SKI: variants seen among roughly 807,000 people sequenced by gnomAD.
SKI encodes SKI proto-oncogene.
Under a neutral mutation model 59.3 loss-of-function variants are expected in SKI, and 23 were observed. The observed-to-expected ratio is 0.39, with a 90% CI of 0.28 to 0.55. The LOEUF (loss-of-function observed/expected upper bound fraction) is 0.55, where lower values mean the gene tolerates loss of function less well. SKI is among the 20% of genes least tolerant of loss of function. The probability of loss-of-function intolerance (pLI) is 0.67; values close to 1 mark genes in which losing one functional copy is unlikely to be tolerated. For synonymous variants in SKI, 673 were observed against 488.6 expected (o/e 1.38, Z -4.98); for missense variants, 1,017 against 1,038.9 (o/e 0.98, Z 0.29).
intron 1 of SKI, among the ~76,000 whole-genome samples, chr1:2,259,641 T>C (rs1040778536): frequency 6.6e-6 from 1 of 152,212 alleles, no homozygotes; most frequent in Non-Finnish European, 1.5e-5. Context: ...AAAACATGTA[T>C]AAAACCCTCG....
intron 1 of SKI, among the ~76,000 whole-genome samples, chr1:2,298,964 G>T (rs747810552): frequency 4.6e-5 from 7 of 152,218 alleles, no homozygotes; most frequent in Non-Finnish European, 7.3e-5. Context: ...GTTGGGTGGA[G>T]CCTTGCCTGC....
chr1:2,298,211 G>C (rs151051416), intron 1 of SKI, among the ~76,000 whole-genome samples: 152 of 152,334 alleles, frequency 1.0e-3, no homozygotes, highest in African/African-American at 3.4e-3. Context: ...GCGCCCTCGT[G>C]GGGGCTTGAG....
chr1:2,274,764 T>C (rs1019304544), intron 1 of SKI, among the ~76,000 whole-genome samples: 12 of 152,164 alleles, frequency 7.9e-5, no homozygotes, highest in African/African-American at 2.9e-4. Context: ...ATAGCAGCCG[T>C]GATGGGGGGC....
chr1:2,265,213 G>A (rs1569761361), intron 1 of SKI, among the ~76,000 whole-genome samples: 1 of 152,308 alleles, frequency 6.6e-6, no homozygotes, highest in South Asian at 2.1e-4. Context: ...TGTAGTTTTT[G>A]TCAGGTTTGG....
intron 1 of SKI, among the ~76,000 whole-genome samples, chr1:2,235,908 C>T (rs1392109463): frequency 2.6e-5 from 4 of 152,198 alleles, no homozygotes; most frequent in Non-Finnish European, 4.4e-5. Flanking sequence ...GTGCTTATTC[C>T]TTTGAGTAAT....
chr1:2,242,166 G>A (rs910116345), intron 1 of SKI, among the ~76,000 whole-genome samples: 1 of 152,236 alleles, frequency 6.6e-6, no homozygotes, highest in Non-Finnish European at 1.5e-5. Flanking sequence ...GCGTCCCTTG[G>A]TGTGGCCCCC....
Position 2,270,750 on chromosome 1 carries a change from C to T in SKI, c.970-32228C>T, listed in dbSNP as rs900685815. Among the ~76,000 whole-genome samples, 1 of 152,188 alleles carries T rather than the reference C, an allele frequency of 6.6e-6. No homozygotes were observed. The highest frequency in any genetic ancestry group is 2.4e-5 in the African/African-American group (1 of 41,450). On this transcript the variant is annotated intron_variant, in intron 1 of 6. Transcript: ENST00000378536. This position sits in a 1 kb window ranked among gnomAD's most constrained non-coding sequence, Gnocchi z 4.1. ...CCCCTCCCGCTTCCCTTCCTCTGGG[C>T]CCCTGGACTCTGGGGGCGAGGGCAG...
At chr1:2,298,004 CCAGAGTG>C (rs1640328504) in intron 1 of SKI, among the ~76,000 whole-genome samples, 1 of 152,176 alleles carries the variant, frequency 6.6e-6, no homozygotes, top group African/African-American at 2.4e-5. Context: ...TCCCCCCGCA[CCAGAGTG>C]CAGTTTTGAC....
Position 2,269,026 on chromosome 1 carries a change from C to T in SKI, c.970-33952C>T, listed in dbSNP as rs978432380. Among the ~76,000 whole-genome samples, 48 of 152,150 alleles carry T rather than the reference C, an allele frequency of 3.2e-4. No homozygotes were observed. Among genetic ancestry groups the T allele is most frequent in the African/African-American group, 1.0e-3 (43 of 41,428 alleles). On this transcript the variant is annotated intron_variant, in intron 1 of 6. Transcript: ENST00000378536. The surrounding 1 kb of genome is among the most constrained non-coding windows in gnomAD (Gnocchi z 4.7). Reference sequence around the variant, plus strand: ...GAGTGCAGCAGCACAGTCTTGCGGCCTCAACCTTGTTGGTTCAAGTGATCC... The same window carrying T: ...GAGTGCAGCAGCACAGTCTTGCGGCTTCAACCTTGTTGGTTCAAGTGATCC...
intron 1 of SKI, among the ~76,000 whole-genome samples, chr1:2,238,470 C>G (rs1638798131): frequency 6.6e-6 from 1 of 152,224 alleles, no homozygotes; most frequent in South Asian, 2.1e-4. Context: ...GCCTCCATGG[C>G]CCTGACAGGC....
At chr1:2,265,408 C>T (rs751592607) in intron 1 of SKI, among the ~76,000 whole-genome samples, 56 of 152,278 alleles carry the variant, frequency 3.7e-4, no homozygotes, top group Non-Finnish European at 7.4e-4. Context: ...GTCTCCTCCA[C>T]GGTTAATCCC....
chr1:2,268,346 C>T lies in SKI; in HGVS notation c.970-34632C>T, dbSNP rs898843403. On this transcript the variant is annotated intron_variant, in intron 1 of 6. Transcript: ENST00000378536. The surrounding 1 kb of genome is among the most constrained non-coding windows in gnomAD (Gnocchi z 5.0). ...GTTTGGGTGGGCTGAACCCTGCACC[C>T]TGGCCCGGGTGTGGGGTCCTGGTGC... Among the ~76,000 whole-genome samples the T allele has an allele frequency of 1.3e-5, 2 of 152,204 alleles. No homozygotes were observed. The highest frequency in any genetic ancestry group is 1.3e-4 in the Admixed American group (2 of 15,292).
At chr1:2,264,912 G>A (rs1444200398) in intron 1 of SKI, among the ~76,000 whole-genome samples, 1 of 151,904 alleles carries the variant, frequency 6.6e-6, no homozygotes, top group Non-Finnish European at 1.5e-5. Context: ...CCGGGTTCAA[G>A]TGATTCTCAT....
rs1172045802 is a variant in SKI, at chr1:2,309,209, GTTTC to G, written c.*2448_*2451del. 1.3e-5 allele frequency: 2 copies of G among 152,230 alleles called. No individual in the cohort carries two copies. Among genetic ancestry groups the G allele is most frequent in the Admixed American group, 6.5e-5 (1 of 15,280 alleles). The allele number at this position is 152,230 out of a possible 1,614,324, so 9.4% of individuals were successfully genotyped here. A position where few individuals can be genotyped will look rare whatever the true frequency, so the allele number is the denominator to read the frequency against. On this transcript the variant is annotated 3_prime_UTR_variant, in exon 7 of 7. Coordinates refer to ENST00000378536, the MANE Select transcript of SKI (RefSeq NM_003036.4). ...CTCCCCTTGGCACAGGTGCGAGTCCGTTTCTTTTCAGCAGAAGGGGGAAGAGGTG... is the reference window on the plus strand; with the variant it reads ...CTCCCCTTGGCACAGGTGCGAGTCCGTTTTCAGCAGAAGGGGGAAGAGGTG...
intron 1 of SKI, among the ~76,000 whole-genome samples, chr1:2,286,059 A>G (rs941684354): frequency 6.6e-6 from 1 of 151,426 alleles, no homozygotes; most frequent in Admixed American, 6.6e-5. Flanking sequence ...TTTTTAGTAG[A>G]GATGGGGTTT....
intron 1 of SKI, among the ~76,000 whole-genome samples, chr1:2,279,409 T>G (rs1203354919): frequency 1.3e-5 from 2 of 152,192 alleles, no homozygotes; most frequent in Non-Finnish European, 2.9e-5. Flanking sequence ...TCTCCAAGTC[T>G]TGTGTGTGTG....
intron 1 of SKI, among the ~76,000 whole-genome samples, chr1:2,279,714 CTTATT>C (rs1453087754): frequency 6.6e-6 from 1 of 152,138 alleles, no homozygotes; most frequent in Admixed American, 6.5e-5. Context: ...TTCTTTCTTC[CTTATT>C]TTATTTTTTA....
rs900879745 is a variant in SKI at position 2,229,681 on chromosome 1, C to G, written c.915C>G (p.Asp305Glu). The G allele has an allele frequency of 5.0e-6, 8 of 1,604,406 alleles. No individual in the cohort carries two copies. The highest frequency in any genetic ancestry group is 6.8e-6 in the Non-Finnish European group (8 of 1,176,282). Reference sequence around the variant, plus strand: ...AGGCGCGCCTCGGCCGCTGCCTGGACGACGTGAAGGAGAAATTCGACTATG... The same window carrying G: ...AGGCGCGCCTCGGCCGCTGCCTGGAGGACGTGAAGGAGAAATTCGACTATG... ...EEQARLGRCL[D>E]DVKEKFDYGN... Residue 305 changes from aspartate to glutamate, a missense_variant, in exon 1 of 7, where the codon GAC becomes GAG. By Grantham distance (45) the Asp-to-Glu change is conservative (BLOSUM62 2). Coordinates refer to ENST00000378536, the MANE Select transcript of SKI (RefSeq NM_003036.4). The surrounding 1 kb of genome is among the most constrained non-coding windows in gnomAD (Gnocchi z 6.3).
At position 2,228,665 on chromosome 1, in the gene SKI, G is replaced by A. The variant is rs1437199482; in HGVS notation, c.-102G>A. The A allele has an allele frequency of 1.7e-6, 1 of 575,266 alleles. No homozygotes were observed. Among genetic ancestry groups the A allele is most frequent in the Non-Finnish European group, 2.2e-6 (1 of 459,572 alleles). The allele number at this position is 575,266 out of a possible 1,614,324, so 35.6% of individuals were successfully genotyped here. ...TGAGCCGGCGGCGGGGGGCGGCCGG[G>A]GTCGGGGCCGCGGGCGCCGCCGGGG... On this transcript the variant is annotated 5_prime_UTR_variant, in exon 1 of 7. Transcript: ENST00000378536.
Sources: gnomAD v4.1 joint callset for allele counts (sites outside exome capture counted in the v4.1 genomes callset) on GRCh38, gnomAD v4.1.1 for gene constraint, Gnocchi (gnomAD v3.1) non-coding constraint, MANE v1.5 for transcripts, NCBI Gene and HGNC (gene_info 2026-07-23, HGNC 2026-07-21) for gene names.